Variants in ZMYND11 observed in about 807,000 individuals in gnomAD.
ZMYND11 encodes zinc finger MYND domain-containing protein 11.
In ZMYND11, 9 loss-of-function variants were observed where a neutral mutation model predicts 84.9. That is an observed-to-expected ratio of 0.11 (90% CI 0.06 to 0.18). The LOEUF (loss-of-function observed/expected upper bound fraction) is 0.18, where lower values mean the gene tolerates loss of function less well. Among genes scored for constraint, ZMYND11 ranks in the 10% least tolerant of loss-of-function variants. The probability of loss-of-function intolerance (pLI) is 1.00; values close to 1 mark genes in which losing one functional copy is unlikely to be tolerated. For synonymous variants in ZMYND11, 250 were observed against 244.1 expected (o/e 1.02, Z -0.23); for missense variants, 409 against 761.0 (o/e 0.54, Z 5.44).
In ZMYND11 at chr10:144,337, A is replaced by G. The variant is rs555039170; in HGVS notation, c.-20+8778A>G. 2.4e-3 allele frequency among the ~76,000 whole-genome samples: 362 copies of G among 152,180 alleles called. 1 individual carries two copies. The highest frequency in any genetic ancestry group is 8.4e-3 in the African/African-American group (351 of 41,546). On this transcript the variant is annotated intron_variant, in intron 1 of 14. Transcript: ENST00000381604. ...GGGGTCAGGCCATCCTCCTGCCTCA[A>G]CTTCTTGAGTAGCTGGGACTATAGG...
chr10:154,814 A>G (rs535999737), intron 1 of ZMYND11: 3 of 152,186 alleles, frequency 2.0e-5, no homozygotes, highest in African/African-American at 2.4e-5. Flanking sequence ...ACTGAATTTC[A>G]TGGCTACAAA....
chr10:165,073 G>C (rs1312922662), intron 1 of ZMYND11, among the ~76,000 whole-genome samples: 1 of 151,940 alleles, frequency 6.6e-6, no homozygotes, highest in Non-Finnish European at 1.5e-5. Flanking sequence ...ACTTTTGTCA[G>C]TCAGTCTTCT....
intron 1 of ZMYND11, among the ~76,000 whole-genome samples, chr10:163,459 T>G (rs1422201924): frequency 1.3e-5 from 2 of 152,188 alleles, no homozygotes; most frequent in African/African-American, 4.8e-5. Context: ...CTTATTTTTT[T>G]GTTCTACTTT....
At chr10:180,333 G>A (rs919201583) in intron 2 of ZMYND11, among the ~76,000 whole-genome samples, 1 of 152,258 alleles carries the variant, frequency 6.6e-6, no homozygotes, top group Non-Finnish European at 1.5e-5. Flanking sequence ...AGAAAAATTA[G>A]ATAAGGAAAA....
intron 12 of ZMYND11, 64 bp from the exon 13 acceptor site, chr10:248,272 T>C: frequency 1.9e-6 from 3 of 1,554,138 alleles, no homozygotes; most frequent in Admixed American, 3.8e-5. Flanking sequence ...CCGAATGGGG[T>C]AGTTCTTGAA....
chr10:146,443 T>C (rs928140073), intron 1 of ZMYND11, among the ~76,000 whole-genome samples: 1 of 152,256 alleles, frequency 6.6e-6, no homozygotes, highest in Non-Finnish European at 1.5e-5. Context: ...ATTGAATCTA[T>C]AGAGTGTTTT....
chr10:228,351 C>T (rs758516761), intron 4 of ZMYND11, among the ~76,000 whole-genome samples: 1 of 152,074 alleles, frequency 6.6e-6, no homozygotes, highest in Non-Finnish European at 1.5e-5. Flanking sequence ...GAATCTTATT[C>T]GAAGTTTATC....
At chr10:146,407 G>A (rs538320054) in intron 1 of ZMYND11, among the ~76,000 whole-genome samples, 5 of 152,236 alleles carry the variant, frequency 3.3e-5, no homozygotes, top group African/African-American at 9.6e-5. Context: ...CTATTGAAGC[G>A]ATGTTCGTAT....
intron 1 of ZMYND11, among the ~76,000 whole-genome samples, chr10:170,431 C>CGTGTGTGT (rs147441773): frequency 5.4e-4 from 80 of 147,804 alleles, no homozygotes; most frequent in African/African-American, 1.8e-3. Flanking sequence ...ATTATGTGTG[C>CGTGTGTGT]GTGTGTGTGT....
chr10:217,639 C>G (rs577163270), intron 3 of ZMYND11, among the ~76,000 whole-genome samples: 1 of 152,182 alleles, frequency 6.6e-6, no homozygotes, highest in African/African-American at 2.4e-5. Flanking sequence ...TTGGTCAGTT[C>G]CTGTTCTGTG....
At chr10:179,960 T>G in intron 1 of ZMYND11, 34 bp from the exon 2 acceptor site, 1 of 1,333,050 alleles carries the variant, frequency 7.5e-7, no homozygotes, top group South Asian at 1.2e-5. Flanking sequence ...TTGTAATCTG[T>G]TTTTTTCCCT....
Position 139,134 on chromosome 10 carries a change from A to T in ZMYND11, c.-20+3575A>T, listed in dbSNP as rs575522746. ...CATTACTTTGATGAATGATATTATT[A>T]TTCATCTATTTTAATTCATTTGAAT... On this transcript the variant is annotated intron_variant, in intron 1 of 14. Coordinates refer to ENST00000381604, the MANE Select transcript of ZMYND11 (RefSeq NM_001370100.5). Among the ~76,000 whole-genome samples, 5 of 152,294 alleles carry T rather than the reference A, an allele frequency of 3.3e-5. No homozygotes were observed. The South Asian group carries it at 1.0e-3, about 32-fold the overall frequency.
chr10:171,522 A>C (rs781937589), intron 1 of ZMYND11, among the ~76,000 whole-genome samples: 1 of 152,170 alleles, frequency 6.6e-6, no homozygotes. Context: ...GAAATCCCCA[A>C]ATATATTGAG....
At chr10:165,133 C>A (rs1843697003) in intron 1 of ZMYND11, among the ~76,000 whole-genome samples, 1 of 152,056 alleles carries the variant, frequency 6.6e-6, no homozygotes, top group South Asian at 2.1e-4. Flanking sequence ...ACTCCTTAAC[C>A]CACTCCAGTC....
rs1278692017 is a variant in ZMYND11, at chr10:144,909, AT to A, written c.-20+9353del. On this transcript the variant is annotated intron_variant, in intron 1 of 14. Transcript: ENST00000381604. ...ATTAAATATTAAAGAGATTTTTAAA[AT>A]TTCTTACTCCTCTTCCACTCTTCCC... 4.7e-5 allele frequency among the ~76,000 whole-genome samples: 7 copies of A among 150,010 alleles called. No homozygotes were observed. In the East Asian group the frequency reaches 1.4e-3, roughly 29 times the overall value.
At chr10:189,090 G>A (rs891112928) in intron 2 of ZMYND11, among the ~76,000 whole-genome samples, 6 of 152,150 alleles carry the variant, frequency 3.9e-5, no homozygotes, top group Non-Finnish European at 5.9e-5. Flanking sequence ...AATTACTTGC[G>A]TTGCTTACTT....
At chr10:193,192 A>T (rs1940879186) in intron 2 of ZMYND11, among the ~76,000 whole-genome samples, 1 of 152,126 alleles carries the variant, frequency 6.6e-6, no homozygotes, top group African/African-American at 2.4e-5. Context: ...TCTGCAATCC[A>T]TCTGTAGTTC....
chr10:164,408 G>A (rs1459778908), intron 1 of ZMYND11, among the ~76,000 whole-genome samples: 2 of 152,126 alleles, frequency 1.3e-5, no homozygotes, highest in Non-Finnish European at 2.9e-5. Flanking sequence ...AATCTCAGTG[G>A]TTTAAAACAG....
chr10:158,094 A>C (rs191622087), intron 1 of ZMYND11, among the ~76,000 whole-genome samples: 41 of 152,304 alleles, frequency 2.7e-4, no homozygotes, highest in African/African-American at 6.5e-4. Context: ...ATTCCATTGG[A>C]TATAACACAT....
Sources: allele counts gnomAD v4.1 joint callset (sites outside exome capture counted in the v4.1 genomes callset), GRCh38; gene constraint gnomAD v4.1.1; transcripts MANE v1.5; gene names NCBI Gene and HGNC (gene_info 2026-07-23, HGNC 2026-07-21).